Variants in GRIA3 observed in about 807,000 individuals in gnomAD.
GRIA3 encodes glutamate receptor 3.
GRIA3 carries 3 observed loss-of-function variants against 63.0 expected under a neutral mutation model. The observed-to-expected ratio is 0.05, with a 90% CI of 0.02 to 0.12. GRIA3 has a LOEUF of 0.12. Among genes scored for constraint, GRIA3 ranks in the 10% least tolerant of loss-of-function variants. The probability of loss-of-function intolerance (pLI) is 1.00; values close to 1 mark genes in which losing one functional copy is unlikely to be tolerated. For missense variants in GRIA3, 347 were observed against 700.9 expected (o/e 0.50, Z 5.70); for synonymous variants, 274 against 257.9 (o/e 1.06, Z -0.60).
intron 5 of GRIA3, among the ~76,000 whole-genome samples, chrX:123,378,476 T>A (rs1043498586): frequency 2.8e-5 from 3 of 107,443 alleles, no homozygotes; most frequent in African/African-American, 1.0e-4. Flanking sequence ...AGTGGCATGA[T>A]CTCAGCTCAC....
intron 2 of GRIA3, among the ~76,000 whole-genome samples, chrX:123,208,291 G>T (rs930922014): frequency 8.9e-6 from 1 of 112,257 alleles, no homozygotes; most frequent in African/African-American, 3.2e-5. Context: ...CTGGGAGCCA[G>T]TTGTCCTGGG....
At chrX:123,388,972 A>G (rs757425657) in intron 5 of GRIA3, among the ~76,000 whole-genome samples, 1 of 111,934 alleles carries the variant, frequency 8.9e-6, no homozygotes, top group African/African-American at 3.2e-5. Context: ...TTCTTCTTTG[A>G]CCCAATGGTC....
chrX:123,379,968 T>G (rs888347517), intron 5 of GRIA3, among the ~76,000 whole-genome samples: 2 of 110,064 alleles, frequency 1.8e-5, no homozygotes, highest in African/African-American at 6.6e-5. Flanking sequence ...ACAAAGGACA[T>G]GAACTCATCC....
chrX:123,225,331 C>T (rs2044240942), intron 2 of GRIA3, among the ~76,000 whole-genome samples: 1 of 112,223 alleles, frequency 8.9e-6, no homozygotes, highest in Non-Finnish European at 1.9e-5. Context: ...TATGGTCTTG[C>T]ACGGAGCGAG....
intron 5 of GRIA3, among the ~76,000 whole-genome samples, chrX:123,385,629 T>G (rs926790873): frequency 6.2e-5 from 7 of 112,480 alleles, no homozygotes; most frequent in Non-Finnish European, 1.1e-4. Flanking sequence ...GAGCATGGGA[T>G]GTTTTTCCAT....
At chrX:123,278,516 T>G (rs1171917958) in intron 3 of GRIA3, among the ~76,000 whole-genome samples, 1 of 112,178 alleles carries the variant, frequency 8.9e-6, no homozygotes, top group African/African-American at 3.2e-5. Context: ...TGTCCTGAAG[T>G]GTTTCCCCTG....
At chrX:123,362,702 A>G (rs1185537755) in intron 5 of GRIA3, among the ~76,000 whole-genome samples, 1 of 103,578 alleles carries the variant, frequency 9.7e-6, no homozygotes, top group African/African-American at 3.6e-5. Flanking sequence ...TTATACCTCA[A>G]TGAAGCTGTT....
chrX:123,333,667 T>A (rs748789572), intron 4 of GRIA3, among the ~76,000 whole-genome samples: 2 of 111,592 alleles, frequency 1.8e-5, no homozygotes, highest in East Asian at 5.6e-4. Context: ...AAATGTAAGG[T>A]GAAAGTGTTC....
chrX:123,450,665 A>G (rs748298255), intron 12 of GRIA3, among the ~76,000 whole-genome samples: 1 of 113,089 alleles, frequency 8.8e-6, no homozygotes, highest in South Asian at 3.6e-4. Flanking sequence ...TAAGGGCTCA[A>G]AACCAAAGTC....
chrX:123,247,772 GA>G (rs2044367381), intron 2 of GRIA3, among the ~76,000 whole-genome samples: 1 of 111,376 alleles, frequency 9.0e-6, no homozygotes, highest in Admixed American at 9.5e-5. Context: ...AAAAGTGAAA[GA>G]GATGGAAAGT....
intron 12 of GRIA3, among the ~76,000 whole-genome samples, chrX:123,440,600 G>A (rs916142563): frequency 2.7e-5 from 3 of 112,594 alleles, no homozygotes; most frequent in East Asian, 2.8e-4. Flanking sequence ...GTCTTCTTTC[G>A]AAAAGTGTCT....
At chrX:123,335,240 C>A (rs1006679104) in intron 4 of GRIA3, among the ~76,000 whole-genome samples, 3 of 110,028 alleles carry the variant, frequency 2.7e-5, no homozygotes, top group Non-Finnish European at 5.7e-5. Context: ...CAGGGCACAG[C>A]CTGGAAGTTT....
rs752677389 is a variant in GRIA3, at chrX:123,460,258, AT to A, written c.2077-4604del. Among the ~76,000 whole-genome samples, 596 of 112,087 alleles carry A rather than the reference AT, an allele frequency of 5.3e-3. 3 individuals carry two copies. The highest frequency in any genetic ancestry group is 9.3e-3 in the Non-Finnish European group (494 of 53,146). ...GGACCCCTTTGCCCTTGGCTTATAA[AT>A]TTATCTTTGGAAGCAATGGCCTGTT... On this transcript the variant is annotated intron_variant, in intron 12 of 15. Transcript: ENST00000620443.
intron 2 of GRIA3, among the ~76,000 whole-genome samples, chrX:123,237,615 C>G (rs1358028607): frequency 1.8e-5 from 2 of 112,165 alleles, no homozygotes; most frequent in African/African-American, 6.5e-5. Context: ...TGACATCACA[C>G]AAAGAGAATT....
chrX:123,427,707 C>T (rs183151118), intron 11 of GRIA3, among the ~76,000 whole-genome samples: 76 of 110,613 alleles, frequency 6.9e-4, no homozygotes, highest in African/African-American at 2.5e-3. Context: ...TGCTTTGAAA[C>T]GTGTATAGGC....
At chrX:123,413,548 AAAAAAAAAAAAAAAAAAAAAAAC>A (rs1473918142) in intron 10 of GRIA3, among the ~76,000 whole-genome samples, 2 of 87,227 alleles carry the variant, frequency 2.3e-5, no homozygotes, top group African/African-American at 1.1e-4. Context: ...AAAAAAAAAA[AAAAAAAAAAAAAAAAAAAAAAAC>A]ACTCTGCTAG....
At chrX:123,255,639 C>T (rs753813892) in intron 3 of GRIA3, among the ~76,000 whole-genome samples, 7 of 105,638 alleles carry the variant, frequency 6.6e-5, no homozygotes, top group Admixed American at 1.1e-4. Context: ...ACTAGAAGAA[C>T]GGGAGGAAAA....
At position 123,250,573 on chromosome X, in the gene GRIA3, T is replaced by C. The variant is rs189179690; in HGVS notation, c.269-2730T>C. 3.6e-5 allele frequency among the ~76,000 whole-genome samples: 4 copies of C among 111,766 alleles called. No individual in the cohort carries two copies. The East Asian group carries it at 1.1e-3, about 31-fold the overall frequency. ...TATGTTGCATTTTCCCATGAGACTA[T>C]TTTTGTATAGGATTCATGGATCCTA... On this transcript the variant is annotated intron_variant, in intron 2 of 15. Transcript: ENST00000620443.
chrX:123,330,742 A>G (rs2044935965), intron 4 of GRIA3, among the ~76,000 whole-genome samples: 2 of 111,576 alleles, frequency 1.8e-5, no homozygotes, highest in Admixed American at 1.9e-4. Flanking sequence ...GACTAGAGAG[A>G]GAGTCAGTAT....
Sources: gnomAD v4.1 joint callset for allele counts (sites outside exome capture counted in the v4.1 genomes callset) on GRCh38, gnomAD v4.1.1 for gene constraint, MANE v1.5 for transcripts, NCBI Gene and HGNC (gene_info 2026-07-23, HGNC 2026-07-21) for gene names.